RTN4RL1: variants seen among roughly 807,000 people sequenced by gnomAD.
RTN4RL1 encodes the protein reticulon 4 receptor like 1, also known as reticulon-4 receptor-like 1.
RTN4RL1 carries 7 observed loss-of-function variants against 25.6 expected under a neutral mutation model. The observed-to-expected ratio is 0.27, with a 90% CI of 0.16 to 0.51. The LOEUF (loss-of-function observed/expected upper bound fraction) is 0.51, where lower values mean the gene tolerates loss of function less well. Ranked by LOEUF, RTN4RL1 falls within the 20% of genes least tolerant of loss-of-function variation. The probability of loss-of-function intolerance (pLI) is 0.97; values close to 1 mark genes in which losing one functional copy is unlikely to be tolerated. For missense variants in RTN4RL1, 500 were observed against 615.6 expected (o/e 0.81, Z 1.99); for synonymous variants, 297 against 288.2 (o/e 1.03, Z -0.31).
chr17:2,007,337 A>AACACACACACACACACACACAC lies in RTN4RL1; in HGVS notation c.13+17494_13+17515dup, dbSNP rs34669886. On this transcript the variant is annotated intron_variant, in intron 1 of 1. Coordinates refer to ENST00000331238, the MANE Select transcript of RTN4RL1 (RefSeq NM_178568.4). ...AGACCTAGGCCATGTTCACAGCCCC[A>AACACACACACACACACACACAC]ACACACACACACACACACACACACA... Among the ~76,000 whole-genome samples, 105 of 140,404 alleles carry AACACACACACACACACACACAC rather than the reference A, an allele frequency of 7.5e-4. 1 individual carries two copies. The highest frequency in any genetic ancestry group is 2.4e-3 in the African/African-American group (89 of 36,936). The allele number at this position is 140,404 out of a possible 152,430, so 92.1% of individuals were successfully genotyped here. A position where few individuals can be genotyped will look rare whatever the true frequency, so the allele number is the denominator to read the frequency against.
chr17:1,960,576 T>A (rs1202135506), intron 1 of RTN4RL1, among the ~76,000 whole-genome samples: 1 of 152,172 alleles, frequency 6.6e-6, no homozygotes, highest in African/African-American at 2.4e-5. Flanking sequence ...TACAAATAAA[T>A]AACTAAAAGT....
At chr17:1,978,815 T>C (rs1269203879) in intron 1 of RTN4RL1, among the ~76,000 whole-genome samples, 1 of 152,184 alleles carries the variant, frequency 6.6e-6, no homozygotes, top group African/African-American at 2.4e-5. Flanking sequence ...CCCAACACAG[T>C]GCTCCAAGCT....
chr17:1,986,870 C>T (rs1465030333), intron 1 of RTN4RL1, among the ~76,000 whole-genome samples: 2 of 152,152 alleles, frequency 1.3e-5, no homozygotes, highest in Non-Finnish European at 2.9e-5. Context: ...TGACACAATG[C>T]TCACAGGCTT....
In RTN4RL1 at chr17:1,937,552, G is replaced by A. The variant is rs1022827698; in HGVS notation, c.270C>T (p.Tyr90=). Residue 90 remains tyrosine (Y), a synonymous_variant, in exon 2 of 2, where the codon TAC becomes TAT. Transcript: ENST00000331238. ...TLWIYSNNIT[Y]IHPSTFEGFV... is the part of the protein sequence containing the mutation. ...AGCCCTCGAAGGTGCTGGGGTGGATGTAGGTGATGTTGTTCGAGTAGATCC... is the reference window on the plus strand; with the variant it reads ...AGCCCTCGAAGGTGCTGGGGTGGATATAGGTGATGTTGTTCGAGTAGATCC... 3.1e-6 allele frequency: 5 copies of A among 1,614,010 alleles called. No homozygotes were observed. The highest frequency in any genetic ancestry group is 3.3e-5 in the Admixed American group (2 of 60,036).
At chr17:2,004,125 T>C (rs55794441) in intron 1 of RTN4RL1, among the ~76,000 whole-genome samples, 3,804 of 150,228 alleles carry the variant, frequency 0.025, 145 homozygotes, top group African/African-American at 0.085. Flanking sequence ...TCCCAGCACT[T>C]TGGGAGGCCG....
chr17:1,949,224 G>A (rs1033863542), intron 1 of RTN4RL1, among the ~76,000 whole-genome samples: 1 of 152,068 alleles, frequency 6.6e-6, no homozygotes, highest in South Asian at 2.1e-4. Context: ...GCCTCCCTAA[G>A]TGCTGGGATT....
chr17:2,021,803 A>C (rs1315377016), intron 1 of RTN4RL1, among the ~76,000 whole-genome samples: 4 of 144,678 alleles, frequency 2.8e-5, no homozygotes, highest in Admixed American at 6.9e-5. Flanking sequence ...GATCCTCCCA[A>C]CTCGGCCTCC....
chr17:2,014,836 GAAA>G, intron 1 of RTN4RL1, among the ~76,000 whole-genome samples: 1 of 138,470 alleles, frequency 7.2e-6, no homozygotes, highest in African/African-American at 2.6e-5. Context: ...CATCTCAAAG[GAAA>G]AAAAAAAAAA....
At chr17:2,024,787 C>T in intron 1 of RTN4RL1, 66 bp downstream of exon 1, 2 of 1,509,046 alleles carry the variant, frequency 1.3e-6, no homozygotes, top group East Asian at 2.5e-5. Flanking sequence ...CGCCGGGCGG[C>T]GCCCGGGCTC....
intron 1 of RTN4RL1, among the ~76,000 whole-genome samples, chr17:2,016,140 G>A (rs571895828): frequency 1.3e-5 from 2 of 152,200 alleles, no homozygotes; most frequent in African/African-American, 4.8e-5. Context: ...CAGCACTTTG[G>A]GAGGCCGAGT....
At position 1,998,666 on chromosome 17, in the gene RTN4RL1, G is replaced by T. The variant is rs1437224914; in HGVS notation, c.13+26187C>A. On this transcript the variant is annotated intron_variant, in intron 1 of 1. Transcript: ENST00000331238. This position sits in a 1 kb window ranked among gnomAD's most constrained non-coding sequence, Gnocchi z 4.9. The stretch of plus-strand genomic sequence containing the variant: ...CCGGGATGTGGCCTCCGAGGTCGCC[G>T]CGGCGCTTTCCTGCCCAAGCTGGCG... 6.6e-6 allele frequency among the ~76,000 whole-genome samples: 1 copy of T among 150,758 alleles called. No individual in the cohort carries two copies. The highest frequency in any genetic ancestry group is 6.6e-5 in the Admixed American group (1 of 15,154).
intron 1 of RTN4RL1, among the ~76,000 whole-genome samples, chr17:1,971,841 A>G (rs1020835719): frequency 3.9e-5 from 6 of 151,998 alleles, no homozygotes; most frequent in East Asian, 1.9e-4. Context: ...GGGCGCCTGT[A>G]GTCCCAGCTA....
chr17:1,977,222 G>C (rs1177465573), intron 1 of RTN4RL1, among the ~76,000 whole-genome samples: 3 of 152,212 alleles, frequency 2.0e-5, no homozygotes, highest in East Asian at 3.8e-4. Context: ...GCACAGACGG[G>C]CGAGACGCTG....
At chr17:2,015,602 G>A (rs1017098780) in intron 1 of RTN4RL1, among the ~76,000 whole-genome samples, 2 of 152,242 alleles carry the variant, frequency 1.3e-5, no homozygotes, top group Admixed American at 6.5e-5. Context: ...CAACAGGGCC[G>A]ATGCCCCAGA....
In RTN4RL1 at chr17:1,998,395, G is replaced by T. The variant is rs2066939824; in HGVS notation, c.13+26458C>A. 6.6e-6 allele frequency among the ~76,000 whole-genome samples: 1 copy of T among 152,048 alleles called. No individual in the cohort carries two copies. Among genetic ancestry groups the T allele is most frequent in the South Asian group, 2.1e-4 (1 of 4,826 alleles). On this transcript the variant is annotated intron_variant, in intron 1 of 1. Coordinates refer to ENST00000331238, the MANE Select transcript of RTN4RL1 (RefSeq NM_178568.4). This position sits in a 1 kb window ranked among gnomAD's most constrained non-coding sequence, Gnocchi z 4.9. ...CGCTGAGAGATCGGGGTTACCGCGC[G>T]GGGAGCCGCGGCCGCGCTGGGATCC...
At chr17:1,979,027 C>T (rs968925260) in intron 1 of RTN4RL1, among the ~76,000 whole-genome samples, 1 of 152,262 alleles carries the variant, frequency 6.6e-6, no homozygotes, top group African/African-American at 2.4e-5. Context: ...AATCCCAGCA[C>T]TTTGGGACGC....
At chr17:1,947,617 G>T (rs1007434951) in intron 1 of RTN4RL1, among the ~76,000 whole-genome samples, 1 of 152,006 alleles carries the variant, frequency 6.6e-6, no homozygotes, top group African/African-American at 2.4e-5. Context: ...CATCTGCCTC[G>T]CTGGGCCCCT....
intron 1 of RTN4RL1, among the ~76,000 whole-genome samples, chr17:2,012,584 C>T (rs1342528779): frequency 3.3e-5 from 5 of 151,750 alleles, no homozygotes. Context: ...CTCTTTTTCT[C>T]CTTCTCTCTC....
intron 1 of RTN4RL1, among the ~76,000 whole-genome samples, chr17:2,022,200 T>C (rs1021492723): frequency 5.9e-5 from 9 of 151,968 alleles, no homozygotes; most frequent in South Asian, 2.1e-4. Flanking sequence ...CCTGTAGTCC[T>C]AGCTACTTGG....
Sources: allele counts gnomAD v4.1 joint callset (sites outside exome capture counted in the v4.1 genomes callset), GRCh38; gene constraint gnomAD v4.1.1; non-coding constraint Gnocchi (gnomAD v3.1); transcripts MANE v1.5; gene names NCBI Gene and HGNC (gene_info 2026-07-23, HGNC 2026-07-21).